The following USH2A variants were observed in gnomAD, a reference collection of about 807,000 sequenced individuals.
USH2A encodes the protein usherin.
A neutral mutation model predicts 538.9 loss-of-function variants in USH2A; 443 were observed. That is an observed-to-expected ratio of 0.82 (90% CI 0.76 to 0.89). The LOEUF (loss-of-function observed/expected upper bound fraction) is 0.89. Ranked by LOEUF, USH2A falls within the 40% of genes least tolerant of loss-of-function variation. The probability of loss-of-function intolerance (pLI) is 0.00; values close to 1 mark genes in which losing one functional copy is unlikely to be tolerated. For missense variants in USH2A, 6,633 were observed against 6,324.8 expected, an observed-to-expected ratio of 1.05 and a Z score of -1.65; for synonymous variants, 2,413 against 2,273.5, an observed-to-expected ratio of 1.06 and a Z score of -1.75.
Position 216,093,554 on chromosome 1 carries a change from G to A in USH2A, c.4758+3529C>T, listed in dbSNP as rs181697727. ...ATGAGTTTCCTGGCAGCCATTCTCC[G>A]TTAAGCAGTTTGACCCCTTTACCCT... is the stretch of plus-strand genomic sequence containing the variant. On this transcript the variant is annotated intron_variant, in intron 22 of 71. Transcript: ENST00000307340. Among the ~76,000 whole-genome samples the A allele has an allele frequency of 4.0e-3, 611 of 152,232 alleles. 2 individuals carry two copies. The highest frequency in any genetic ancestry group is 0.013 in the African/African-American group (537 of 41,552).
intron 9 of USH2A, among the ~76,000 whole-genome samples, chr1:216,316,791 T>A (rs889110026): frequency 2.0e-5 from 3 of 152,182 alleles, no homozygotes; most frequent in African/African-American, 7.2e-5. Flanking sequence ...TGTCTTCTTT[T>A]GAGAACTGTT....
chr1:216,141,049 T>A (rs765935993), intron 21 of USH2A, among the ~76,000 whole-genome samples: 8 of 152,140 alleles, frequency 5.3e-5, no homozygotes, highest in Non-Finnish European at 1.2e-4. Flanking sequence ...CTGGAAAAAA[T>A]GGGGGCAGGG....
At chr1:215,758,273 T>G (rs1360626980) in intron 58 of USH2A, among the ~76,000 whole-genome samples, 1 of 119,894 alleles carries the variant, frequency 8.3e-6, no homozygotes, top group Admixed American at 9.7e-5. Context: ...GCAACAAGAG[T>G]GAAACTCCGT....
chr1:216,086,087 T>A (rs999319637), intron 24 of USH2A, among the ~76,000 whole-genome samples: 1 of 152,124 alleles, frequency 6.6e-6, no homozygotes, highest in Non-Finnish European at 1.5e-5. Context: ...AAGGGTGATT[T>A]TTTTTCCTAT....
chr1:216,363,137 A>T (rs1270164798), intron 4 of USH2A, among the ~76,000 whole-genome samples: 1 of 152,068 alleles, frequency 6.6e-6, no homozygotes, highest in Non-Finnish European at 1.5e-5. Context: ...GTACAGTCCT[A>T]CTTTAACAAT....
Position 216,000,508 on chromosome 1 carries a change from C to T in USH2A, c.6380G>A (p.Gly2127Asp), listed in dbSNP as rs964562748. ...QFLLSACTHV[G>D]CTNSSWVLLY... ...TAGGACCCAGGAACTGTTTGTACAG[C>T]CCACATGTGTGCATGCACTTAGTAG... The change falls in exon 33 of 72, where the codon GGC becomes GAC. Residue 2127 changes from glycine (G) to aspartate (D), a missense_variant. Physicochemically the swap from Gly to Asp is moderately conservative, Grantham distance 94. Transcript: ENST00000307340. 3.1e-6 allele frequency: 5 copies of T among 1,613,618 alleles called. No homozygotes were observed. In the Admixed American group the frequency reaches 8.3e-5, roughly 27 times the overall value.
rs766030449 is a variant in USH2A, at chr1:216,281,865, G to GTTTT, written c.1971+7411_1971+7414dup. ...TCCTCACCAAATTTTGTTTTTGTCT[G>GTTTT]TTTTTTTTTTTTTTTTTTTTTTGAG... is the stretch of plus-strand genomic sequence containing the variant. On this transcript the variant is annotated intron_variant, in intron 11 of 71. Coordinates refer to ENST00000307340, the MANE Select transcript of USH2A (RefSeq NM_206933.4). 2.5e-3 allele frequency among the ~76,000 whole-genome samples: 244 copies of GTTTT among 96,436 alleles called. 1 individual carries two copies. The highest frequency in any genetic ancestry group is 4.3e-3 in the African/African-American group (109 of 25,224). The allele number at this position is 96,436 out of a possible 152,430, so 63.3% of individuals were successfully genotyped here.
At chr1:216,010,056 C>T (rs913837098) in intron 32 of USH2A, among the ~76,000 whole-genome samples, 2 of 152,220 alleles carry the variant, frequency 1.3e-5, no homozygotes, top group East Asian at 1.9e-4. Context: ...AATCTGCTCC[C>T]GACATTAAAT....
At chr1:215,837,084 C>T (rs184814126) in intron 47 of USH2A, among the ~76,000 whole-genome samples, 74 of 152,144 alleles carry the variant, frequency 4.9e-4, no homozygotes, top group Non-Finnish European at 9.4e-4. Context: ...ATTATTGCCA[C>T]GAACAGCTAA....
In USH2A at chr1:215,863,565, T is replaced by G. The variant is rs527630104; in HGVS notation, c.8845+3442A>C. ...CTCTTAATGATGATACCCTCATACTTTATGCATTTTCCAGAGTTCACTGAG... is the reference window on the plus strand; with the variant it reads ...CTCTTAATGATGATACCCTCATACTGTATGCATTTTCCAGAGTTCACTGAG... On this transcript the variant is annotated intron_variant, in intron 44 of 71. Transcript: ENST00000307340. 2.0e-5 allele frequency among the ~76,000 whole-genome samples: 3 copies of G among 152,256 alleles called. No homozygotes were observed. In the South Asian group the frequency reaches 6.2e-4, roughly 32 times the overall value.
chr1:215,994,692 A>C (rs1668093330), intron 34 of USH2A, among the ~76,000 whole-genome samples: 1 of 152,178 alleles, frequency 6.6e-6, no homozygotes, highest in African/African-American at 2.4e-5. Flanking sequence ...CTGTGCAAGA[A>C]AAAAACCATA....
intron 11 of USH2A, among the ~76,000 whole-genome samples, chr1:216,251,970 C>T (rs2036172487): frequency 6.6e-6 from 1 of 152,046 alleles, no homozygotes; most frequent in Non-Finnish European, 1.5e-5. Context: ...CTATTTCAGC[C>T]TATTTATGAT....
chr1:215,799,943 G>A (rs1662273964), intron 49 of USH2A, among the ~76,000 whole-genome samples: 1 of 151,932 alleles, frequency 6.6e-6, no homozygotes, highest in Non-Finnish European at 1.5e-5. Context: ...CAGTGAGCCA[G>A]GATTGTTTCA....
chr1:215,836,129 C>T (rs978979953), intron 47 of USH2A, among the ~76,000 whole-genome samples: 10 of 151,858 alleles, frequency 6.6e-5, no homozygotes, highest in East Asian at 3.9e-4. Flanking sequence ...TATTCTGTTA[C>T]GTCATTCACA....
At chr1:215,866,847 A>C (rs1664482169) in intron 44 of USH2A, among the ~76,000 whole-genome samples, 160 bp downstream of exon 44, 1 of 152,164 alleles carries the variant, frequency 6.6e-6, no homozygotes, top group Non-Finnish European at 1.5e-5. Flanking sequence ...GGCCCTTCTA[A>C]AGTTTTCAAT....
At chr1:216,198,207 T>C in intron 18 of USH2A, 108 bp downstream of exon 18, 1 of 1,540,290 alleles carries the variant, frequency 6.5e-7, no homozygotes, top group Non-Finnish European at 8.8e-7. Context: ...TATGGAAGTT[T>C]CTAATTCTTG....
At chr1:216,106,481 T>C (rs2032736167) in intron 21 of USH2A, among the ~76,000 whole-genome samples, 1 of 151,382 alleles carries the variant, frequency 6.6e-6, no homozygotes. Context: ...TACTATTTCC[T>C]CTATTAATGT....
intron 17 of USH2A, among the ~76,000 whole-genome samples, chr1:216,199,315 T>C (rs1177546168): frequency 6.6e-6 from 1 of 152,182 alleles, no homozygotes; most frequent in Non-Finnish European, 1.5e-5. Flanking sequence ...CAGTCAAATA[T>C]AATGCATTTC....
intron 61 of USH2A, among the ~76,000 whole-genome samples, chr1:215,680,914 T>C (rs1571953923): frequency 6.6e-6 from 1 of 152,062 alleles, no homozygotes; most frequent in East Asian, 1.9e-4. Flanking sequence ...ATAAAACAAA[T>C]AAACACAAGA....
Sources: gnomAD v4.1 joint callset for allele counts (sites outside exome capture counted in the v4.1 genomes callset) on GRCh38, gnomAD v4.1.1 for gene constraint, MANE v1.5 for transcripts, NCBI Gene and HGNC (gene_info 2026-07-23, HGNC 2026-07-21) for gene names.